The following GRAMD1B variants were observed in gnomAD, a reference collection of about 807,000 sequenced individuals.
GRAMD1B encodes GRAM domain containing 1B.
A neutral mutation model predicts 99.7 loss-of-function variants in GRAMD1B; 37 were observed. The ratio of observed to expected loss-of-function variants is 0.37; its 90% confidence interval spans 0.29 to 0.49. The LOEUF (loss-of-function observed/expected upper bound fraction) is 0.49, where lower values mean the gene tolerates loss of function less well. GRAMD1B is among the 20% of genes least tolerant of loss of function. The pLI is 0.98. For missense variants in GRAMD1B, 888 were observed against 1,009.2 expected (o/e 0.88, Z 1.63); for synonymous variants, 427 against 387.6 (o/e 1.10, Z -1.19).
upstream of GRAMD1B, among the ~76,000 whole-genome samples, chr11:123,425,386 A>G (rs919512679): frequency 1.3e-5 from 2 of 152,238 alleles, no homozygotes; most frequent in African/African-American, 2.4e-5. Context: ...TGGTTTGCAC[A>G]TAAGTCCTTG....
chr11:123,447,250 GTC>G (rs1210992603), intron 1 of GRAMD1B, among the ~76,000 whole-genome samples: 1 of 152,168 alleles, frequency 6.6e-6, no homozygotes, highest in Non-Finnish European at 1.5e-5. Context: ...AGACAGACGG[GTC>G]TCTCAGAGAA....
chr11:123,578,317 T>C lies in GRAMD1B; in HGVS notation c.663+740T>C. 7 of 1,073,814 alleles carry C rather than the reference T, an allele frequency of 6.5e-6. No individual in the cohort carries two copies. In the South Asian group the frequency reaches 8.1e-5, roughly 12 times the overall value. The allele number at this position is 1,073,814 out of a possible 1,614,324, so 66.5% of individuals were successfully genotyped here. A position where few individuals can be genotyped will look rare whatever the true frequency, so the allele number is the denominator to read the frequency against. On this transcript the variant is annotated intron_variant, in intron 3 of 19. Transcript: ENST00000635736. ...ACCCCTGGGAGGCATGGGAGCTGGC[T>C]TCCCACTTGAATTTGTCTTTTGATT...
chr11:123,558,562 G>C (rs1946392318), intron 2 of GRAMD1B, among the ~76,000 whole-genome samples: 1 of 152,220 alleles, frequency 6.6e-6, no homozygotes, highest in Admixed American at 6.5e-5. Flanking sequence ...CTGAGTTTGA[G>C]ATAAGAGTAC....
intron 2 of GRAMD1B, among the ~76,000 whole-genome samples, chr11:123,485,142 A>G (rs1468971624): frequency 6.6e-6 from 1 of 152,168 alleles, no homozygotes; most frequent in Non-Finnish European, 1.5e-5. Context: ...TGAGGTGGAT[A>G]TTATGGATTT....
intron 2 of GRAMD1B, among the ~76,000 whole-genome samples, chr11:123,485,758 C>A (rs1454857983): frequency 1.3e-5 from 2 of 149,464 alleles, no homozygotes; most frequent in African/African-American, 4.9e-5. Context: ...GCTCTGTTAC[C>A]CAGGGTGGAA....
At chr11:123,392,493 G>C (rs1220140877) in intron 1 of GRAMD1B, among the ~76,000 whole-genome samples, 1 of 151,620 alleles carries the variant, frequency 6.6e-6, no homozygotes, top group African/African-American at 2.4e-5. Flanking sequence ...TATCAATTCT[G>C]GCAACTCTCC....
chr11:123,367,592 C>T (rs1373210467), intron 1 of GRAMD1B, among the ~76,000 whole-genome samples: 3 of 152,046 alleles, frequency 2.0e-5, no homozygotes, highest in Non-Finnish European at 4.4e-5. Context: ...GACTCTAAGG[C>T]GTCTGTAAGA....
intron 2 of GRAMD1B, among the ~76,000 whole-genome samples, chr11:123,530,800 G>A (rs1943277340): frequency 6.6e-6 from 1 of 152,134 alleles, no homozygotes; most frequent in Non-Finnish European, 1.5e-5. Flanking sequence ...GGTGAGTTGC[G>A]GTGAAGGTTG....
At chr11:123,511,582 G>C (rs1330149015) in intron 2 of GRAMD1B, among the ~76,000 whole-genome samples, 1 of 152,214 alleles carries the variant, frequency 6.6e-6, no homozygotes, top group Non-Finnish European at 1.5e-5. Flanking sequence ...CCCAGCTCCA[G>C]TGTGCAGGGA....
chr11:123,399,199 C>T (rs1168883950), intron 1 of GRAMD1B, among the ~76,000 whole-genome samples: 1 of 152,152 alleles, frequency 6.6e-6, no homozygotes, highest in Non-Finnish European at 1.5e-5. Flanking sequence ...TCTTTCTGTG[C>T]CTGGCTTATT....
chr11:123,526,907 A>G (rs1942831998), intron 2 of GRAMD1B, among the ~76,000 whole-genome samples: 1 of 152,162 alleles, frequency 6.6e-6, no homozygotes, highest in Non-Finnish European at 1.5e-5. Context: ...TTTTGACCCA[A>G]TAAGGAGATT....
intron 9 of GRAMD1B, among the ~76,000 whole-genome samples, chr11:123,604,871 T>C (rs1295351107): frequency 6.6e-6 from 1 of 152,174 alleles, no homozygotes; most frequent in African/African-American, 2.4e-5. Flanking sequence ...GTTTTCTAGT[T>C]ATCATCAAGA....
intron 1 of GRAMD1B, among the ~76,000 whole-genome samples, chr11:123,402,647 C>G (rs1947708265): frequency 6.6e-6 from 1 of 152,210 alleles, no homozygotes; most frequent in Non-Finnish European, 1.5e-5. Flanking sequence ...GCACCTGGAA[C>G]CACTTCAGAC....
intron 2 of GRAMD1B, among the ~76,000 whole-genome samples, chr11:123,506,776 T>C (rs182602004): frequency 1.6e-4 from 25 of 152,262 alleles, no homozygotes; most frequent in African/African-American, 5.5e-4. Context: ...CTGTTTTCTC[T>C]TTCATTCTCT....
At chr11:123,452,937 C>T (rs1014310270) in intron 1 of GRAMD1B, among the ~76,000 whole-genome samples, 3 of 152,184 alleles carry the variant, frequency 2.0e-5, no homozygotes, top group Admixed American at 6.5e-5. Context: ...GTTTCACAGG[C>T]ACCACTGAAG....
At chr11:123,613,156 C>A (rs981645013) in intron 15 of GRAMD1B, 1 of 548,398 alleles carries the variant, frequency 1.8e-6, no homozygotes, top group Non-Finnish European at 3.2e-6. Context: ...GGCTCTGTGA[C>A]GAGAAGTATT....
In GRAMD1B at chr11:123,564,623, G is replaced by A. The variant is rs139527644; in HGVS notation, c.453-12744G>A. On this transcript the variant is annotated intron_variant, in intron 2 of 19. Coordinates refer to ENST00000635736, the MANE Select transcript of GRAMD1B (RefSeq NM_001387025.1). ...CAGACTGTGAGTTTCTTAGAGTCAG[G>A]GACAGTATCCCCAATGCCTAAACCT... Among the ~76,000 whole-genome samples, 19 of 152,290 alleles carry A rather than the reference G, an allele frequency of 1.2e-4. No individual in the cohort carries two copies. The East Asian group carries it at 3.5e-3, about 28-fold the overall frequency.
chr11:123,604,450 C>T (rs1952427686), intron 9 of GRAMD1B, among the ~76,000 whole-genome samples: 1 of 151,962 alleles, frequency 6.6e-6, no homozygotes, highest in African/African-American at 2.4e-5. Context: ...CACATGCTGT[C>T]GATAGGTTAA....
chr11:123,513,367 T>A (rs1018291656), intron 2 of GRAMD1B, among the ~76,000 whole-genome samples: 1 of 152,102 alleles, frequency 6.6e-6, no homozygotes, highest in South Asian at 2.1e-4. Flanking sequence ...TCCACTGCAT[T>A]GTCATAGTAC....
Sources: gnomAD v4.1 joint callset for allele counts (sites outside exome capture counted in the v4.1 genomes callset) on GRCh38, gnomAD v4.1.1 for gene constraint, MANE v1.5 for transcripts, NCBI Gene and HGNC (gene_info 2026-07-23, HGNC 2026-07-21) for gene names.